The following LEKR1 variants were observed in gnomAD, a reference collection of about 807,000 sequenced individuals.
LEKR1 encodes the protein protein LEKR1.
Under a neutral mutation model 72.4 loss-of-function variants are expected in LEKR1, and 59 were observed. That is an observed-to-expected ratio of 0.82 (90% CI 0.66 to 1.01). LEKR1 has a LOEUF of 1.01. Among genes scored for constraint, LEKR1 ranks in the 50% least tolerant of loss-of-function variants. The pLI is 0.00. For missense variants in LEKR1, 728 were observed against 759.2 expected, an observed-to-expected ratio of 0.96 and a Z score of 0.48; for synonymous variants, 257 against 263.2, an observed-to-expected ratio of 0.98 and a Z score of 0.23.
chr3:157,010,060 TATC>T (rs1006972682), intron 9 of LEKR1, among the ~76,000 whole-genome samples: 1 of 152,076 alleles, frequency 6.6e-6, no homozygotes, highest in Non-Finnish European at 1.5e-5. Context: ...TCTGTAGTAG[TATC>T]ATCCCTCTTA....
At chr3:156,987,895 A>G (rs1314697899) in intron 7 of LEKR1, among the ~76,000 whole-genome samples, 1 of 152,254 alleles carries the variant, frequency 6.6e-6, no homozygotes. Context: ...TCTTCAAGCA[A>G]TTAAAAACAA....
intron 6 of LEKR1, among the ~76,000 whole-genome samples, chr3:156,972,323 A>C (rs189571305): frequency 2.7e-4 from 40 of 146,898 alleles, no homozygotes; most frequent in East Asian, 1.4e-3. Context: ...GGGGAACATC[A>C]CACACACGGG....
chr3:157,003,534 A>AAG (rs1180735940), intron 9 of LEKR1, among the ~76,000 whole-genome samples: 1 of 152,170 alleles, frequency 6.6e-6, no homozygotes, highest in Admixed American at 6.5e-5. Flanking sequence ...TACATCTTCC[A>AAG]TCTGTTACAA....
chr3:156,834,948 T>C (rs6789293), intron 2 of LEKR1, among the ~76,000 whole-genome samples: 3,245 of 152,336 alleles, frequency 0.021, 128 homozygotes, highest in African/African-American at 0.073. Flanking sequence ...CAAAATATTT[T>C]ATTTTAGGGC....
At chr3:157,044,928 TG>T (rs1735642946) in intron 12 of LEKR1, among the ~76,000 whole-genome samples, 1 of 152,252 alleles carries the variant, frequency 6.6e-6, no homozygotes, top group Non-Finnish European at 1.5e-5. Flanking sequence ...ATATATTTAA[TG>T]ACTCTACAGC....
chr3:156,894,809 A>G (rs544813593), intron 3 of LEKR1, among the ~76,000 whole-genome samples: 1 of 152,246 alleles, frequency 6.6e-6, no homozygotes, highest in Non-Finnish European at 1.5e-5. Flanking sequence ...TCCCTATTCA[A>G]TAAATGCTGC....
intron 4 of LEKR1, among the ~76,000 whole-genome samples, chr3:156,922,374 G>A (rs944910514): frequency 2.0e-5 from 3 of 151,062 alleles, no homozygotes; most frequent in Non-Finnish European, 2.9e-5. Context: ...ATAATCTTCT[G>A]TCTTGAAGAG....
Position 157,045,591 on chromosome 3 carries a change from A to G in LEKR1, c.1920A>G (p.Ser640=), listed in dbSNP as rs1735694203. 1 of 1,614,056 alleles carries G rather than the reference A, an allele frequency of 6.2e-7. No individual in the cohort carries two copies. ...GIQIPNLRGV[S]KPTTFPTSDK... is the part of the protein sequence containing the mutation. Reference sequence around the variant, plus strand: ...AAATTCCCAACCTGCGCGGGGTGTCAAAACCCACCACTTTCCCAACCTCAG... The same window carrying G: ...AAATTCCCAACCTGCGCGGGGTGTCGAAACCCACCACTTTCCCAACCTCAG... The change falls in exon 13 of 13, where the codon TCA becomes TCG. Residue 640 remains serine (S), a synonymous_variant. Transcript: ENST00000356539.
intron 3 of LEKR1, among the ~76,000 whole-genome samples, chr3:156,856,071 A>G (rs899275384): frequency 5.3e-5 from 8 of 152,156 alleles, no homozygotes; most frequent in African/African-American, 1.9e-4. Flanking sequence ...ACGCAAGTAG[A>G]AACAACAACA....
chr3:157,003,534 A>C (rs1207440971), intron 9 of LEKR1, among the ~76,000 whole-genome samples: 1 of 152,170 alleles, frequency 6.6e-6, no homozygotes, highest in Admixed American at 6.5e-5. Flanking sequence ...TACATCTTCC[A>C]TCTGTTACAA....
intron 3 of LEKR1, among the ~76,000 whole-genome samples, chr3:156,895,890 T>C (rs1721131085): frequency 1.3e-5 from 2 of 152,160 alleles, no homozygotes; most frequent in Non-Finnish European, 1.5e-5. Context: ...ATCATTCTAT[T>C]ATAAAGACAC....
intron 3 of LEKR1, among the ~76,000 whole-genome samples, chr3:156,890,634 T>A (rs1720554700): frequency 6.6e-6 from 1 of 152,164 alleles, no homozygotes; most frequent in Non-Finnish European, 1.5e-5. Context: ...AGCCTAGCCT[T>A]TTGTTCCAAC....
In LEKR1 at chr3:157,014,007, CG is replaced by C. The variant is rs199781783; in HGVS notation, c.1203+2502del. 3.5e-3 allele frequency among the ~76,000 whole-genome samples: 535 copies of C among 152,060 alleles called. 11 individuals are homozygous for C. Among genetic ancestry groups the C allele is most frequent in the Admixed American group, 0.032 (492 of 15,266 alleles). Reference sequence around the variant, plus strand: ...AGGATGGCACATTTTAAAATAACTACGTATTTACTAATTGTCATGGATTTTT... The same window carrying C: ...AGGATGGCACATTTTAAAATAACTACTATTTACTAATTGTCATGGATTTTT... On this transcript the variant is annotated intron_variant, in intron 10 of 12. Coordinates refer to ENST00000356539, the MANE Select transcript of LEKR1 (RefSeq NM_001004316.3).
At position 157,015,278 on chromosome 3, in the gene LEKR1, C is replaced by T. The variant is rs141546029; in HGVS notation, c.1203+3772C>T. 2.6e-3 allele frequency among the ~76,000 whole-genome samples: 389 copies of T among 152,080 alleles called. 4 individuals carry two copies. The highest frequency in any genetic ancestry group is 8.8e-3 in the African/African-American group (364 of 41,462). The stretch of plus-strand genomic sequence containing the variant: ...AGAGTTGCACAGGGAAGAACACTGG[C>T]GATCTACAAAAAGTCCGCCTTGCAT... On this transcript the variant is annotated intron_variant, in intron 10 of 12. Coordinates refer to ENST00000356539, the MANE Select transcript of LEKR1 (RefSeq NM_001004316.3).
intron 6 of LEKR1, among the ~76,000 whole-genome samples, chr3:156,944,079 G>A (rs1235911039): frequency 6.0e-5 from 9 of 150,380 alleles, no homozygotes; most frequent in African/African-American, 2.0e-4. Context: ...TTACCATATC[G>A]AAGTTTTTTG....
intron 10 of LEKR1, among the ~76,000 whole-genome samples, chr3:157,018,217 T>C (rs1418970456): frequency 6.6e-6 from 1 of 152,176 alleles, no homozygotes; most frequent in East Asian, 1.9e-4. Context: ...TATCAATTCC[T>C]TCTCTCAATA....
chr3:157,043,707 A>G (rs1198191858), intron 12 of LEKR1, among the ~76,000 whole-genome samples: 2 of 152,160 alleles, frequency 1.3e-5, no homozygotes, highest in African/African-American at 4.8e-5. Flanking sequence ...CTTCCTCTCT[A>G]TTCCCTCCTC....
At chr3:157,019,854 A>G (rs1487085305) in intron 10 of LEKR1, among the ~76,000 whole-genome samples, 1 of 152,196 alleles carries the variant, frequency 6.6e-6, no homozygotes, top group Non-Finnish European at 1.5e-5. Flanking sequence ...CAGATCATGA[A>G]GGAACCAGTA....
In LEKR1 at chr3:156,952,307, G is replaced by A. The variant is rs1433729962; in HGVS notation, c.745+9593G>A. Among the ~76,000 whole-genome samples the A allele has an allele frequency of 2.6e-5, 4 of 151,390 alleles. No individual in the cohort carries two copies. In the Admixed American group the frequency reaches 2.6e-4, roughly 10 times the overall value. ...GGAGGCACATCGAAACCATGTGAGA[G>A]TAGTAGCAACAAAAATGCATTTTTG... On this transcript the variant is annotated intron_variant, in intron 6 of 12. Coordinates refer to ENST00000356539, the MANE Select transcript of LEKR1 (RefSeq NM_001004316.3).
Sources: allele counts gnomAD v4.1 joint callset (sites outside exome capture counted in the v4.1 genomes callset), GRCh38; gene constraint gnomAD v4.1.1; transcripts MANE v1.5; gene names NCBI Gene and HGNC (gene_info 2026-07-23, HGNC 2026-07-21).